Variants in MAML3 observed in about 807,000 individuals in gnomAD.
MAML3 encodes mastermind like transcriptional coactivator 3, also known as mastermind-like protein 3.
MAML3 carries 27 observed loss-of-function variants against 101.9 expected under a neutral mutation model. The observed-to-expected ratio is 0.27, with a 90% CI of 0.20 to 0.37. MAML3 has a LOEUF of 0.37. Ranked by LOEUF, MAML3 falls within the 10% of genes least tolerant of loss-of-function variation. The pLI, the probability that MAML3 is intolerant of heterozygous loss-of-function variation, is 1.00. For missense variants in MAML3, 1,316 were observed against 1,444.9 expected (o/e 0.91, Z 1.45); for synonymous variants, 501 against 555.9 (o/e 0.90, Z 1.39).
chr4:139,965,021 C>G (rs1029811504), intron 1 of MAML3, among the ~76,000 whole-genome samples: 5 of 152,196 alleles, frequency 3.3e-5, no homozygotes, highest in Non-Finnish European at 5.9e-5. Flanking sequence ...CAGTACATAA[C>G]AGCAAGTGAC....
Position 140,001,845 on chromosome 4 carries a change from A to T in MAML3, c.469-110878T>A, listed in dbSNP as rs1312839515. Among the ~76,000 whole-genome samples the T allele has an allele frequency of 1.1e-4, 17 of 152,362 alleles. No individual in the cohort carries two copies. The East Asian group carries it at 3.1e-3, about 28-fold the overall frequency. Reference sequence around the variant, plus strand: ...TTTTTACTTTTTCCTTTTCAAAAAAACAAACCAGGTTTACACAGAGACTAC... The same window carrying T: ...TTTTTACTTTTTCCTTTTCAAAAAATCAAACCAGGTTTACACAGAGACTAC... On this transcript the variant is annotated intron_variant, in intron 1 of 4. Coordinates refer to ENST00000509479, the MANE Select transcript of MAML3 (RefSeq NM_018717.5).
At chr4:139,992,692 G>A (rs547445683) in intron 1 of MAML3, among the ~76,000 whole-genome samples, 1 of 152,202 alleles carries the variant, frequency 6.6e-6, no homozygotes, top group Admixed American at 6.5e-5. Flanking sequence ...TGAGTAGCTA[G>A]GACTACAGGC....
intron 1 of MAML3, among the ~76,000 whole-genome samples, chr4:140,119,609 CCCTT>C (rs1297017999): frequency 7.1e-6 from 1 of 140,428 alleles, no homozygotes; most frequent in Non-Finnish European, 1.5e-5. Context: ...CTCCCTCCCT[CCCTT>C]CCTTCCTCCC....
intron 1 of MAML3, among the ~76,000 whole-genome samples, chr4:140,044,466 T>C (rs1331807744): frequency 6.6e-6 from 1 of 152,134 alleles, no homozygotes; most frequent in Admixed American, 6.6e-5. Context: ...GATGAATGAG[T>C]GTTACAAGTT....
intron 1 of MAML3, among the ~76,000 whole-genome samples, chr4:139,973,826 A>G (rs1734271182): frequency 6.6e-6 from 1 of 152,220 alleles, no homozygotes; most frequent in Non-Finnish European, 1.5e-5. Context: ...AATCTTGCTG[A>G]AGCAACAAAA....
At chr4:139,988,133 C>T (rs1297469320) in intron 1 of MAML3, among the ~76,000 whole-genome samples, 1 of 150,938 alleles carries the variant, frequency 6.6e-6, no homozygotes, top group African/African-American at 2.4e-5. Flanking sequence ...TCAAGACCAG[C>T]CTGGCCAACA....
At chr4:139,754,732 G>GT (rs1729609347) in intron 2 of MAML3, among the ~76,000 whole-genome samples, 1 of 152,230 alleles carries the variant, frequency 6.6e-6, no homozygotes. Context: ...ATACAAGGGT[G>GT]TCTGGATTAT....
At chr4:139,912,402 G>C (rs1732940948) in intron 1 of MAML3, among the ~76,000 whole-genome samples, 1 of 152,284 alleles carries the variant, frequency 6.6e-6, no homozygotes, top group South Asian at 2.1e-4. Context: ...AGTAAATGAA[G>C]GTTTCGTACA....
intron 2 of MAML3, among the ~76,000 whole-genome samples, chr4:139,884,580 T>C (rs1016685823): frequency 6.6e-6 from 1 of 152,242 alleles, no homozygotes; most frequent in African/African-American, 2.4e-5. Flanking sequence ...AAGTGGTCTC[T>C]GCTTTTGGTT....
intron 2 of MAML3, among the ~76,000 whole-genome samples, chr4:139,867,319 A>G (rs1240357116): frequency 2.6e-5 from 4 of 152,226 alleles, no homozygotes; most frequent in African/African-American, 9.6e-5. Context: ...CTTTCATTGC[A>G]TTCTCAAAGG....
chr4:140,151,500 C>T (rs1025420124), intron 1 of MAML3, among the ~76,000 whole-genome samples: 12 of 152,178 alleles, frequency 7.9e-5, no homozygotes, highest in Non-Finnish European at 1.6e-4. Context: ...CTGGCACCAC[C>T]CCGGCGCCGG....
intron 1 of MAML3, among the ~76,000 whole-genome samples, chr4:140,015,934 C>T (rs558271765): frequency 6.6e-6 from 1 of 151,974 alleles, no homozygotes; most frequent in Non-Finnish European, 1.5e-5. Context: ...GCCTGGGCAA[C>T]AGAGCAAGAC....
In MAML3 at chr4:140,153,215, T is replaced by C. The variant is rs1729208895; in HGVS notation, c.113A>G (p.Asn38Ser). 9 of 1,566,494 alleles carry C rather than the reference T, an allele frequency of 5.7e-6. No individual in the cohort carries two copies. Among genetic ancestry groups the C allele is most frequent in the Admixed American group, 1.9e-5 (1 of 53,314 alleles). The change falls in exon 1 of 5, where the codon AAT (asparagine) becomes AGT (serine). Residue 38 changes from asparagine to serine, a missense_variant. Transcript: ENST00000509479. Reference sequence around the variant, plus strand: ...GCTACTCGGAGCAGCGGGAGTACTATTGGGAGTATTATTCACACCGATCCC... The same window carrying C: ...GCTACTCGGAGCAGCGGGAGTACTACTGGGAGTATTATTCACACCGATCCC... The part of the protein sequence containing the change: ...GAGIGVNNTP[N>S]STPAAPSSNH...
chr4:139,890,818 C>A lies in MAML3; in HGVS notation c.618G>T (p.Leu206Phe), dbSNP rs1321346324. 2 of 1,614,032 alleles carry A rather than the reference C, an allele frequency of 1.2e-6. No homozygotes were observed. The highest frequency in any genetic ancestry group is 1.3e-5 in the African/African-American group (1 of 75,060). Residue 206 changes from leucine (L) to phenylalanine (F), a missense_variant, in exon 2 of 5, where the codon TTG becomes TTT. Physicochemically the swap from Leu to Phe is conservative, Grantham distance 22 (BLOSUM62 0). Coordinates refer to ENST00000509479, the MANE Select transcript of MAML3 (RefSeq NM_018717.5). The surrounding 1 kb of genome is among the most constrained non-coding windows in gnomAD (Gnocchi z 4.1). Reference protein sequence around the residue: ...ISAGMEAINNLPSNMPLPSAS... With the variant: ...ISAGMEAINNFPSNMPLPSAS... ...CTGAAGGCAGTGGCATGTTACTGGG[C>A]AAATTGTTGATGGCTTCCATCCCCG...
chr4:139,987,115 G>A (rs1271005684), intron 1 of MAML3, among the ~76,000 whole-genome samples: 1 of 152,148 alleles, frequency 6.6e-6, no homozygotes, highest in Admixed American at 6.6e-5. Context: ...AGGCAGAAAA[G>A]CAGGCTGCTT....
At chr4:140,091,537 C>CAAAACAAAAAAAAAA in intron 1 of MAML3, among the ~76,000 whole-genome samples, 1 of 71,600 alleles carries the variant, frequency 1.4e-5, no homozygotes. Context: ...AACAACAAAA[C>CAAAACAAAAAAAAAA]AAAAACAAAA....
intron 2 of MAML3, among the ~76,000 whole-genome samples, chr4:139,799,826 T>C (rs1395703202): frequency 1.3e-5 from 2 of 152,156 alleles, no homozygotes; most frequent in Non-Finnish European, 2.9e-5. Context: ...TTCCAGTCCT[T>C]TACAATTTCA....
intron 1 of MAML3, among the ~76,000 whole-genome samples, chr4:140,051,339 G>A (rs1017696897): frequency 1.3e-5 from 2 of 152,134 alleles, no homozygotes; most frequent in Non-Finnish European, 2.9e-5. Context: ...TGGATCACCT[G>A]AGGTTAGGAG....
At chr4:140,021,806 C>T (rs1726738045) in intron 1 of MAML3, among the ~76,000 whole-genome samples, 1 of 152,166 alleles carries the variant, frequency 6.6e-6, no homozygotes, top group African/African-American at 2.4e-5. Context: ...TTTTGTTTGG[C>T]TTAAGTCCTG....
Sources: gnomAD v4.1 joint callset for allele counts (sites outside exome capture counted in the v4.1 genomes callset) on GRCh38, gnomAD v4.1.1 for gene constraint, Gnocchi (gnomAD v3.1) non-coding constraint, MANE v1.5 for transcripts, NCBI Gene and HGNC (gene_info 2026-07-23, HGNC 2026-07-21) for gene names.